FSIP1: variants seen among roughly 807,000 people sequenced by gnomAD.
FSIP1 encodes fibrous sheath-interacting protein 1.
FSIP1 carries 65 observed loss-of-function variants against 60.9 expected under a neutral mutation model. The observed-to-expected ratio is 1.07, with a 90% CI of 0.87 to 1.31. The LOEUF (loss-of-function observed/expected upper bound fraction) is 1.31, where lower values mean the gene tolerates loss of function less well. FSIP1 is among the 40% of genes most tolerant of loss of function. The probability of loss-of-function intolerance (pLI) is 0.00; values close to 1 mark genes in which losing one functional copy is unlikely to be tolerated. For missense variants in FSIP1, 675 were observed against 665.5 expected (o/e 1.01, Z -0.16); for synonymous variants, 209 against 221.2 (o/e 0.94, Z 0.49).
rs771583292 is a variant in FSIP1, at chr15:39,741,855, G to T, written c.605C>A (p.Thr202Asn). The T allele has an allele frequency of 1.9e-6, 3 of 1,607,012 alleles. No homozygotes were observed. Among genetic ancestry groups the T allele is most frequent in the South Asian group, 2.2e-5 (2 of 90,910 alleles). Residue 202 changes from threonine to asparagine, a missense_variant, in exon 6 of 12, where the codon ACT becomes AAT. Coordinates refer to ENST00000350221, the MANE Select transcript of FSIP1 (RefSeq NM_152597.5). ...EEDTFSSVFHTQIPPEEYEMQ... is the reference protein window; with the variant it reads ...EEDTFSSVFHNQIPPEEYEMQ... Reference sequence around the variant, plus strand: ...TTCATATTCTTCTGGAGGGATTTGAGTATGAAACACTGAGGAAAAGGTGTC... The same window carrying T: ...TTCATATTCTTCTGGAGGGATTTGATTATGAAACACTGAGGAAAAGGTGTC...
At chr15:39,647,170 T>C (rs1892652491) in intron 10 of FSIP1, among the ~76,000 whole-genome samples, 1 of 152,214 alleles carries the variant, frequency 6.6e-6, no homozygotes, top group South Asian at 2.1e-4. Context: ...TGAACAAGTC[T>C]GGAGGTCTAA....
intron 10 of FSIP1, among the ~76,000 whole-genome samples, chr15:39,690,812 G>C (rs185525345): frequency 8.5e-5 from 13 of 152,274 alleles, no homozygotes; most frequent in Admixed American, 6.5e-4. Flanking sequence ...TCAAAGGATC[G>C]ATACTGTGCC....
chr15:39,744,381 T>C (rs986213037), intron 5 of FSIP1, among the ~76,000 whole-genome samples: 5 of 152,132 alleles, frequency 3.3e-5, no homozygotes, highest in African/African-American at 1.2e-4. Flanking sequence ...GATTGCAGGA[T>C]GTGATTTAAA....
At chr15:39,741,936 A>T (rs748399021) in intron 5 of FSIP1, 36 bp from the exon 6 acceptor site, 8 of 1,100,696 alleles carry the variant, frequency 7.3e-6, no homozygotes, top group South Asian at 2.6e-5. Context: ...CAATGCTCAC[A>T]AAATAAATTA....
In FSIP1 at chr15:39,600,195, T is replaced by G. The variant is rs1318672747; in HGVS notation, c.*685A>C. 2 of 152,214 alleles carry G rather than the reference T, an allele frequency of 1.3e-5. No individual in the cohort carries two copies. The highest frequency in any genetic ancestry group is 4.8e-5 in the African/African-American group (2 of 41,452). 9.4% of individuals were successfully genotyped at this position (152,214 alleles called of 1,614,324 possible). On this transcript the variant is annotated 3_prime_UTR_variant, in exon 12 of 12. Transcript: ENST00000350221. ...GTTACTGACTTGTAACTAAACCATCTCTCTTCAAATAGTACCGCAGACTGT... is the reference window on the plus strand; with the variant it reads ...GTTACTGACTTGTAACTAAACCATCGCTCTTCAAATAGTACCGCAGACTGT...
chr15:39,669,780 G>A (rs1441593830), intron 10 of FSIP1, among the ~76,000 whole-genome samples: 1 of 152,126 alleles, frequency 6.6e-6, no homozygotes, highest in Non-Finnish European at 1.5e-5. Flanking sequence ...TTTTTAATGT[G>A]TTACACAAAG....
chr15:39,684,365 C>G (rs914555871), intron 10 of FSIP1, among the ~76,000 whole-genome samples: 2 of 152,178 alleles, frequency 1.3e-5, no homozygotes, highest in African/African-American at 4.8e-5. Flanking sequence ...GGCTGGAGAA[C>G]AGACACTACA....
intron 10 of FSIP1, among the ~76,000 whole-genome samples, chr15:39,656,769 T>C (rs1893086655): frequency 6.6e-6 from 1 of 152,268 alleles, no homozygotes. Flanking sequence ...GGAAGGGTTC[T>C]GAACTATTAA....
intron 10 of FSIP1, among the ~76,000 whole-genome samples, chr15:39,690,174 G>T (rs1438394171): frequency 2.0e-5 from 3 of 152,208 alleles, no homozygotes; most frequent in Non-Finnish European, 4.4e-5. Context: ...GGGAGCTATG[G>T]CGAGAGATGA....
intron 10 of FSIP1, among the ~76,000 whole-genome samples, chr15:39,683,296 G>A (rs1894237038): frequency 6.6e-6 from 1 of 151,826 alleles, no homozygotes; most frequent in African/African-American, 2.4e-5. Context: ...AAAAACAACC[G>A]ATGTAATCCA....
intron 5 of FSIP1, among the ~76,000 whole-genome samples, chr15:39,744,009 A>C (rs1156950358): frequency 2.0e-5 from 3 of 152,240 alleles, no homozygotes; most frequent in Non-Finnish European, 4.4e-5. Context: ...TATTAGAGGG[A>C]CAATTGGCAA....
intron 10 of FSIP1, among the ~76,000 whole-genome samples, chr15:39,641,419 TG>T (rs1221747950): frequency 6.6e-6 from 1 of 152,166 alleles, no homozygotes; most frequent in Non-Finnish European, 1.5e-5. Context: ...ACGACTTCCC[TG>T]GATGCCTGTC....
rs144025616 is a variant in FSIP1, at chr15:39,731,532, T to C, written c.892-4785A>G. 3.0e-4 allele frequency among the ~76,000 whole-genome samples: 46 copies of C among 152,252 alleles called. 1 individual carries two copies. The highest frequency in any genetic ancestry group is 1.0e-3 in the African/African-American group (43 of 41,554). Reference sequence around the variant, plus strand: ...TCATATGACACTGAAGTTAAAAGAGTATGTCAGACGAAATTCACCAGAAAT... The same window carrying C: ...TCATATGACACTGAAGTTAAAAGAGCATGTCAGACGAAATTCACCAGAAAT... On this transcript the variant is annotated intron_variant, in intron 8 of 11. Coordinates refer to ENST00000350221, the MANE Select transcript of FSIP1 (RefSeq NM_152597.5).
chr15:39,707,021 T>G (rs1344499166), intron 10 of FSIP1, among the ~76,000 whole-genome samples: 3 of 152,154 alleles, frequency 2.0e-5, no homozygotes, highest in Non-Finnish European at 4.4e-5. Flanking sequence ...CTGAGGTATA[T>G]ACATTACAAT....
intron 6 of FSIP1, among the ~76,000 whole-genome samples, chr15:39,741,288 C>A (rs1896792428): frequency 6.6e-6 from 1 of 152,238 alleles, no homozygotes; most frequent in Non-Finnish European, 1.5e-5. Context: ...ACTGTCTTCA[C>A]TGGAAATGTC....
At chr15:39,597,557 C>T (rs1245743950), downstream of FSIP1, 1 of 151,746 alleles carries the variant, frequency 6.6e-6, no homozygotes, top group Non-Finnish European at 1.5e-5. Context: ...ATAGCATATA[C>T]AAAAATAAAT....
intron 10 of FSIP1, among the ~76,000 whole-genome samples, chr15:39,709,149 C>A (rs560586531): frequency 6.6e-6 from 1 of 152,290 alleles, no homozygotes; most frequent in South Asian, 2.1e-4. Flanking sequence ...TCCAGTAACC[C>A]CCAGGGTTCC....
Position 39,768,493 on chromosome 15 carries a change from T to G in FSIP1, c.310+1934A>C, listed in dbSNP as rs73397107. Among the ~76,000 whole-genome samples, 1,201 of 152,346 alleles carry G rather than the reference T, an allele frequency of 7.9e-3. 15 individuals carry two copies. Among genetic ancestry groups the G allele is most frequent in the African/African-American group, 0.027 (1,134 of 41,576 alleles). ...AATTATGTTAACATAAGTATCACAT[T>G]TTATAACAAATAACTATATTCTCAA... is the stretch of plus-strand genomic sequence containing the variant. On this transcript the variant is annotated intron_variant, in intron 3 of 11. Coordinates refer to ENST00000350221, the MANE Select transcript of FSIP1 (RefSeq NM_152597.5).
intron 10 of FSIP1, among the ~76,000 whole-genome samples, chr15:39,682,723 G>A (rs975355059): frequency 2.6e-5 from 4 of 152,092 alleles, no homozygotes; most frequent in South Asian, 2.1e-4. Context: ...AAAATAAATT[G>A]CAATTTAAAA....
Sources: gnomAD v4.1 joint callset for allele counts (sites outside exome capture counted in the v4.1 genomes callset) on GRCh38, gnomAD v4.1.1 for gene constraint, MANE v1.5 for transcripts, NCBI Gene and HGNC (gene_info 2026-07-23, HGNC 2026-07-21) for gene names.